The following SLC4A4 variants were observed in gnomAD, a reference collection of about 807,000 sequenced individuals.
SLC4A4 encodes the protein electrogenic sodium bicarbonate cotransporter 1.
In SLC4A4, 27 loss-of-function variants were observed where a neutral mutation model predicts 111.5. That is an observed-to-expected ratio of 0.24 (90% CI 0.18 to 0.33). The LOEUF (loss-of-function observed/expected upper bound fraction) is 0.33, where lower values mean the gene tolerates loss of function less well. SLC4A4 is among the 10% of genes least tolerant of loss of function. The pLI, the probability that SLC4A4 is intolerant of heterozygous loss-of-function variation, is 1.00. For synonymous variants in SLC4A4, 443 were observed against 463.4 expected (o/e 0.96, Z 0.57); for missense variants, 909 against 1,315.5 (o/e 0.69, Z 4.78).
At chr4:71,093,232 A>C (rs1742437435) in intron 2 of SLC4A4, among the ~76,000 whole-genome samples, 1 of 151,400 alleles carries the variant, frequency 6.6e-6, no homozygotes, top group African/African-American at 2.4e-5. Flanking sequence ...CACTGGCGTC[A>C]TCTTGGCTCA....
intron 7 of SLC4A4, among the ~76,000 whole-genome samples, chr4:71,397,862 A>G (rs1719970985): frequency 6.6e-6 from 1 of 152,240 alleles, no homozygotes; most frequent in Non-Finnish European, 1.5e-5. Flanking sequence ...GCTGTTGCAG[A>G]TGCATCACTT....
At chr4:71,368,975 T>C (rs548359565) in intron 6 of SLC4A4, among the ~76,000 whole-genome samples, 2 of 152,298 alleles carry the variant, frequency 1.3e-5, no homozygotes, top group East Asian at 3.9e-4. Flanking sequence ...AATGCTTCCA[T>C]CCTCATCCTT....
In SLC4A4 at chr4:71,433,605, T is replaced by C. The variant is rs531724639; in HGVS notation, c.808-7011T>C. ...GGTTGTCTGTTCACTCTGATGATAG[T>C]TTCTTTTGCTGTGCAGAAGCTCTTT... On this transcript the variant is annotated intron_variant, in intron 7 of 25. Transcript: ENST00000264485. Among the ~76,000 whole-genome samples the C allele has an allele frequency of 9.2e-5, 14 of 152,286 alleles. No individual in the cohort carries two copies. The East Asian group carries it at 2.3e-3, about 25-fold the overall frequency.
At chr4:71,202,042 G>A (rs1746279163) in intron 1 of SLC4A4, among the ~76,000 whole-genome samples, 1 of 152,184 alleles carries the variant, frequency 6.6e-6, no homozygotes, top group Non-Finnish European at 1.5e-5. Flanking sequence ...TTCATAACCA[G>A]GGGATAGTGT....
chr4:71,226,185 T>C (rs1262099251), intron 1 of SLC4A4, among the ~76,000 whole-genome samples: 4 of 152,138 alleles, frequency 2.6e-5, no homozygotes, highest in Admixed American at 2.6e-4. Flanking sequence ...TAGGCCGGAG[T>C]GCAGTGGCTA....
intron 3 of SLC4A4, among the ~76,000 whole-genome samples, chr4:71,294,897 GAC>G (rs1428811236): frequency 6.6e-6 from 1 of 152,170 alleles, no homozygotes; most frequent in African/African-American, 2.4e-5. Flanking sequence ...CAGTCAAAAA[GAC>G]AGTTTAGTTT....
intron 7 of SLC4A4, among the ~76,000 whole-genome samples, chr4:71,401,410 A>C (rs1334615312): frequency 6.6e-6 from 1 of 152,244 alleles, no homozygotes; most frequent in Non-Finnish European, 1.5e-5. Flanking sequence ...TTTATTAAGC[A>C]GAAAAACACC....
chr4:71,078,677 C>T (rs542518341), intron 1 of SLC4A4, among the ~76,000 whole-genome samples: 1 of 152,292 alleles, frequency 6.6e-6, no homozygotes, highest in South Asian at 2.1e-4. Flanking sequence ...CATACTCATT[C>T]TAGCTCCCGT....
rs143351705 is a variant in SLC4A4 at position 71,137,091 on chromosome 4, C to T, written c.-2+44299C>T. Among the ~76,000 whole-genome samples, 1,110 of 152,250 alleles carry T rather than the reference C, an allele frequency of 7.3e-3. 6 individuals are homozygous for T. Among genetic ancestry groups the T allele is most frequent in the Non-Finnish European group, 0.012 (812 of 68,020 alleles). ...CCTTACCAGTTTGTTCACCAACTTT[C>T]CAAGGTGGAGCAGATCTCTATTACT... On this transcript the variant is annotated intron_variant, in intron 2 of 26. Coordinates refer to the SLC4A4 transcript ENST00000649996.
intron 2 of SLC4A4, among the ~76,000 whole-genome samples, chr4:71,128,986 T>C (rs1158102925): frequency 6.6e-6 from 1 of 152,140 alleles, no homozygotes; most frequent in Non-Finnish European, 1.5e-5. Flanking sequence ...AAGACTTAAA[T>C]GTAAGGCCTA....
intron 2 of SLC4A4, among the ~76,000 whole-genome samples, chr4:71,094,968 G>A (rs1028403426): frequency 6.6e-6 from 1 of 152,110 alleles, no homozygotes; most frequent in African/African-American, 2.4e-5. Context: ...TTAACTTATG[G>A]AATTAGACTT....
intron 16 of SLC4A4, among the ~76,000 whole-genome samples, chr4:71,502,941 T>C (rs914852668): frequency 2.0e-5 from 3 of 152,174 alleles, no homozygotes; most frequent in Non-Finnish European, 4.4e-5. Context: ...AAATTCACTA[T>C]TATTGTATTG....
intron 7 of SLC4A4, among the ~76,000 whole-genome samples, chr4:71,418,549 T>C (rs1722028991): frequency 6.6e-6 from 1 of 152,236 alleles, no homozygotes; most frequent in African/African-American, 2.4e-5. Flanking sequence ...AATAGCTCTT[T>C]TTAGGCCTCT....
At chr4:71,218,040 CA>C (rs1215877948) in intron 1 of SLC4A4, among the ~76,000 whole-genome samples, 1 of 152,172 alleles carries the variant, frequency 6.6e-6, no homozygotes, top group Non-Finnish European at 1.5e-5. Context: ...CTGATATTTA[CA>C]AGAAGAAATA....
chr4:71,305,318 C>G (rs1245815751), intron 3 of SLC4A4, among the ~76,000 whole-genome samples: 1 of 152,176 alleles, frequency 6.6e-6, no homozygotes, highest in African/African-American at 2.4e-5. Flanking sequence ...CTTAATCTAT[C>G]TAAACCTTCA....
At chr4:71,088,291 T>C (rs999270678) in intron 1 of SLC4A4, among the ~76,000 whole-genome samples, 2 of 152,026 alleles carry the variant, frequency 1.3e-5, no homozygotes, top group Admixed American at 1.3e-4. Flanking sequence ...TTTGAGCCTA[T>C]GTGTGTCTCT....
intron 6 of SLC4A4, among the ~76,000 whole-genome samples, chr4:71,360,811 A>G (rs1730707675): frequency 6.6e-6 from 1 of 152,168 alleles, no homozygotes; most frequent in Non-Finnish European, 1.5e-5. Context: ...TGTGTGCTAC[A>G]TATTGTTGTA....
chr4:71,504,557 A>G (rs1731217828), intron 16 of SLC4A4, among the ~76,000 whole-genome samples: 1 of 150,932 alleles, frequency 6.6e-6, no homozygotes, highest in African/African-American at 2.4e-5. Flanking sequence ...TTTGTATTCT[A>G]TAGTATCTCT....
At chr4:71,510,841 T>C (rs1401964167) in intron 16 of SLC4A4, among the ~76,000 whole-genome samples, 1 of 152,186 alleles carries the variant, frequency 6.6e-6, no homozygotes, top group East Asian at 1.9e-4. Flanking sequence ...TTTTTTCCAC[T>C]GTGTTTTGAT....
Sources: gnomAD v4.1 joint callset for allele counts (sites outside exome capture counted in the v4.1 genomes callset) on GRCh38, gnomAD v4.1.1 for gene constraint, MANE v1.5 for transcripts, NCBI Gene and HGNC (gene_info 2026-07-23, HGNC 2026-07-21) for gene names.